CAMK1D: variants seen among roughly 807,000 people sequenced by gnomAD.
CAMK1D encodes calcium/calmodulin dependent protein kinase ID.
CAMK1D carries 9 observed loss-of-function variants against 47.7 expected under a neutral mutation model. The ratio of observed to expected loss-of-function variants is 0.19; its 90% CI spans 0.11 to 0.33. CAMK1D has a LOEUF of 0.33. Among genes scored for constraint, CAMK1D ranks in the 10% least tolerant of loss-of-function variants. The pLI is 1.00. For synonymous variants in CAMK1D, 184 were observed against 184.9 expected, an observed-to-expected ratio of 0.99 and a Z score of 0.04; for missense variants, 291 against 488.7, an observed-to-expected ratio of 0.60 and a Z score of 3.81.
chr10:12,405,801 G>A (rs545883116), intron 1 of CAMK1D, among the ~76,000 whole-genome samples: 86 of 152,222 alleles, frequency 5.6e-4, no homozygotes, highest in African/African-American at 1.9e-3. Context: ...CTTTAATATT[G>A]GCATGCGTTG....
chr10:12,692,212 C>G (rs182704965), intron 3 of CAMK1D, among the ~76,000 whole-genome samples: 1 of 152,194 alleles, frequency 6.6e-6, no homozygotes, highest in Non-Finnish European at 1.5e-5. Context: ...CAAAATTAGC[C>G]TATTGAATAA....
At chr10:12,581,732 G>A (rs1036004107) in intron 2 of CAMK1D, among the ~76,000 whole-genome samples, 1 of 151,916 alleles carries the variant, frequency 6.6e-6, no homozygotes, top group Admixed American at 6.6e-5. Flanking sequence ...CTTTTTGATG[G>A]GATTGTATTT....
intron 1 of CAMK1D, among the ~76,000 whole-genome samples, chr10:12,531,886 G>A (rs1172370856): frequency 6.6e-6 from 1 of 152,190 alleles, no homozygotes; most frequent in Non-Finnish European, 1.5e-5. Context: ...TGAGGCTAGG[G>A]AATTGACAGT....
chr10:12,455,998 G>A (rs1474921223), intron 1 of CAMK1D, among the ~76,000 whole-genome samples: 1 of 152,166 alleles, frequency 6.6e-6, no homozygotes, highest in Non-Finnish European at 1.5e-5. Context: ...TCAATTTCCT[G>A]AAATCTGAGA....
chr10:12,427,667 T>C (rs1345705556), intron 1 of CAMK1D, among the ~76,000 whole-genome samples: 1 of 146,736 alleles, frequency 6.8e-6, no homozygotes, highest in East Asian at 2.1e-4. Flanking sequence ...TTCATGGGGC[T>C]GGAGATACTT....
intron 1 of CAMK1D, among the ~76,000 whole-genome samples, chr10:12,489,102 A>AT (rs1176905080): frequency 6.6e-6 from 1 of 151,786 alleles, no homozygotes. Flanking sequence ...TGCCTGGCTA[A>AT]TTTTTTTATA....
At chr10:12,622,748 T>A (rs1839038347) in intron 2 of CAMK1D, among the ~76,000 whole-genome samples, 1 of 151,872 alleles carries the variant, frequency 6.6e-6, no homozygotes, top group African/African-American at 2.4e-5. Context: ...GTGGCATCAG[T>A]CAGACCTAAG....
At chr10:12,519,631 A>C (rs1252932908) in intron 1 of CAMK1D, among the ~76,000 whole-genome samples, 1 of 2,850 alleles carries the variant, frequency 3.5e-4, no homozygotes, top group Admixed American at 7.0e-3. Context: ...TGATCCCCCC[A>C]CCTCCCTTCC....
At chr10:12,599,814 A>G (rs919009427) in intron 2 of CAMK1D, among the ~76,000 whole-genome samples, 1 of 152,248 alleles carries the variant, frequency 6.6e-6, no homozygotes, top group Non-Finnish European at 1.5e-5. Flanking sequence ...GGGGATGAGA[A>G]GAATTGCAGA....
At chr10:12,611,588 C>CTTTTTTTTTCTTTTTTTTTTTTTTTT (rs1838622575) in intron 2 of CAMK1D, among the ~76,000 whole-genome samples, 1 of 59,906 alleles carries the variant, frequency 1.7e-5, no homozygotes, top group Non-Finnish European at 3.3e-5. Flanking sequence ...TTCAGAATGC[C>CTTTTTTTTTCTTTTTTTTTTTTTTTT]TTTTTTTTTT....
chr10:12,537,501 C>T (rs1401977049), intron 1 of CAMK1D, among the ~76,000 whole-genome samples: 1 of 152,230 alleles, frequency 6.6e-6, no homozygotes. Flanking sequence ...TTTTCCCAAC[C>T]TGCTGAGAAA....
In CAMK1D at chr10:12,697,173, A is replaced by G. The variant is rs186334334; in HGVS notation, c.299+30363A>G. 1.5e-3 allele frequency among the ~76,000 whole-genome samples: 227 copies of G among 152,330 alleles called. 1 individual carries two copies. The Middle Eastern group carries it at 0.017, about 11-fold the overall frequency. ...GGAAATGTGGAGGCAAATTTGAGTT[A>G]AATAGTCCTAAAATCTCTCAAAATG... On this transcript the variant is annotated intron_variant, in intron 3 of 10. Coordinates refer to ENST00000619168, the MANE Select transcript of CAMK1D (RefSeq NM_153498.4).
chr10:12,617,328 C>G (rs1838855087), intron 2 of CAMK1D, among the ~76,000 whole-genome samples: 1 of 152,012 alleles, frequency 6.6e-6, no homozygotes, highest in Admixed American at 6.6e-5. Flanking sequence ...AATACATAAG[C>G]AAAAAGAGGA....
intron 3 of CAMK1D, among the ~76,000 whole-genome samples, chr10:12,674,465 T>C (rs998438586): frequency 6.6e-6 from 1 of 151,968 alleles, no homozygotes; most frequent in African/African-American, 2.4e-5. Context: ...CTCAGCACCT[T>C]AATATTATTA....
Position 12,790,555 on chromosome 10 carries a change from T to TA in CAMK1D, c.566-602dup, listed in dbSNP as rs541248788. 1.9e-3 allele frequency among the ~76,000 whole-genome samples: 295 copies of TA among 152,312 alleles called. 3 individuals are homozygous for TA. The highest frequency in any genetic ancestry group is 6.9e-3 in the African/African-American group (286 of 41,572). The stretch of plus-strand genomic sequence containing the variant: ...GCACTGCCATAAAATAGCCATGTAT[T>TA]ATGTGTTTGTTGACTGACAGAGTTC... On this transcript the variant is annotated intron_variant, in intron 5 of 10. Transcript: ENST00000619168.
intron 2 of CAMK1D, among the ~76,000 whole-genome samples, chr10:12,557,533 C>T (rs1389671976): frequency 1.7e-5 from 2 of 115,288 alleles, no homozygotes; most frequent in Non-Finnish European, 3.3e-5. Flanking sequence ...GCCTGGGCGA[C>T]AGAGCGAGAC....
chr10:12,750,991 C>T (rs964466468), intron 3 of CAMK1D, among the ~76,000 whole-genome samples: 1 of 152,116 alleles, frequency 6.6e-6, no homozygotes, highest in Non-Finnish European at 1.5e-5. Flanking sequence ...GTGGAGGTTG[C>T]AGTGAGCTGA....
At chr10:12,500,767 AG>A (rs1311752990) in intron 1 of CAMK1D, among the ~76,000 whole-genome samples, 2 of 152,358 alleles carry the variant, frequency 1.3e-5, no homozygotes, top group East Asian at 3.9e-4. Context: ...ATTCTTTGCA[AG>A]GGACTTAGCA....
At chr10:12,710,131 C>T (rs892121118) in intron 3 of CAMK1D, among the ~76,000 whole-genome samples, 3 of 152,210 alleles carry the variant, frequency 2.0e-5, no homozygotes, top group African/African-American at 7.2e-5. Context: ...ATGCTTAGAG[C>T]AGTATATCAT....
Sources: allele counts gnomAD v4.1 joint callset (sites outside exome capture counted in the v4.1 genomes callset), GRCh38; gene constraint gnomAD v4.1.1; transcripts MANE v1.5; gene names NCBI Gene and HGNC (gene_info 2026-07-23, HGNC 2026-07-21).